The following PLXNA4 variants were observed in gnomAD, a reference collection of about 807,000 sequenced individuals.
PLXNA4 encodes plexin-A4.
A neutral mutation model predicts 191.8 loss-of-function variants in PLXNA4; 44 were observed. That is an observed-to-expected ratio of 0.23 (90% CI 0.18 to 0.29). The LOEUF is 0.29. Among genes scored for constraint, PLXNA4 ranks in the 10% least tolerant of loss-of-function variants. The pLI is 1.00. For missense variants in PLXNA4, 1,800 were observed against 2,488.8 expected, an observed-to-expected ratio of 0.72 and a Z score of 5.89; for synonymous variants, 1,082 against 1,009.5, an observed-to-expected ratio of 1.07 and a Z score of -1.36.
intron 3 of PLXNA4, among the ~76,000 whole-genome samples, chr7:132,381,307 A>T (rs1483935100): frequency 6.6e-6 from 1 of 152,226 alleles, no homozygotes; most frequent in East Asian, 1.9e-4. Flanking sequence ...GATATGAGGT[A>T]GGGAGCAGAG....
intron 2 of PLXNA4, among the ~76,000 whole-genome samples, chr7:132,642,715 TACAA>T (rs1347482103): frequency 1.3e-5 from 2 of 152,070 alleles, no homozygotes; most frequent in African/African-American, 2.4e-5. Context: ...AGCAAAAGAT[TACAA>T]ACAATCTCAA....
chr7:132,444,680 G>A (rs1795828462), intron 3 of PLXNA4, among the ~76,000 whole-genome samples: 1 of 152,156 alleles, frequency 6.6e-6, no homozygotes, highest in Non-Finnish European at 1.5e-5. Context: ...GTGTGTGTTG[G>A]TGTGGGAGGG....
intron 3 of PLXNA4, among the ~76,000 whole-genome samples, chr7:132,457,400 T>TC (rs1796352717): frequency 6.6e-6 from 1 of 152,164 alleles, no homozygotes; most frequent in Non-Finnish European, 1.5e-5. Flanking sequence ...TAAGCACATG[T>TC]CCCCCATTGC....
chr7:132,483,502 T>C lies in PLXNA4; in HGVS notation c.1371+5790A>G, dbSNP rs113469742. 2.3e-3 allele frequency among the ~76,000 whole-genome samples: 345 copies of C among 152,342 alleles called. 1 individual carries two copies. Among genetic ancestry groups the C allele is most frequent in the Non-Finnish European group, 2.9e-3 (195 of 68,034 alleles). On this transcript the variant is annotated intron_variant, in intron 3 of 31. Coordinates refer to ENST00000321063, the MANE Select transcript of PLXNA4 (RefSeq NM_020911.2). ...TTTTCATTTTAATGATATGTTTTTGTAAAGCACAATATTTTACTTCAATTG... is the reference window on the plus strand; with the variant it reads ...TTTTCATTTTAATGATATGTTTTTGCAAAGCACAATATTTTACTTCAATTG...
chr7:132,275,196 G>T (rs1179680078), intron 4 of PLXNA4, among the ~76,000 whole-genome samples: 1 of 151,812 alleles, frequency 6.6e-6, no homozygotes, highest in Non-Finnish European at 1.5e-5. Context: ...TAAAAATCTT[G>T]ATTTTGTCTT....
intron 3 of PLXNA4, among the ~76,000 whole-genome samples, chr7:132,437,122 G>T (rs77892114): frequency 0.03 from 4,596 of 152,254 alleles, 215 homozygotes; most frequent in African/African-American, 0.1. Context: ...CTTTTCCTTT[G>T]TTCCCTGAGT....
At chr7:132,178,408 T>A (rs1355230384) in intron 20 of PLXNA4, among the ~76,000 whole-genome samples, 2 of 151,866 alleles carry the variant, frequency 1.3e-5, no homozygotes, top group Non-Finnish European at 2.9e-5. Flanking sequence ...AAGGAGGGAG[T>A]TGGCTTTTTA....
chr7:132,212,032 TGATG>T (rs1797818872), intron 9 of PLXNA4, among the ~76,000 whole-genome samples: 2 of 152,194 alleles, frequency 1.3e-5, no homozygotes, highest in South Asian at 4.1e-4. Flanking sequence ...TAGCTCTTGC[TGATG>T]GATGTGGGCA....
chr7:132,598,253 T>G (rs974307180), intron 2 of PLXNA4, among the ~76,000 whole-genome samples: 2 of 152,102 alleles, frequency 1.3e-5, no homozygotes, highest in Non-Finnish European at 2.9e-5. Flanking sequence ...GGACTACAGG[T>G]GCTCACCACC....
chr7:132,160,135 T>C (rs1382780820), intron 24 of PLXNA4, among the ~76,000 whole-genome samples: 1 of 152,178 alleles, frequency 6.6e-6, no homozygotes, highest in African/African-American at 2.4e-5. Context: ...ACAGAACTAA[T>C]AGGAATCTGG....
rs183032891 is a variant in PLXNA4 at position 132,570,154 on chromosome 7, A to C, written c.-87+6268T>G. 4.4e-3 allele frequency among the ~76,000 whole-genome samples: 675 copies of C among 152,296 alleles called. 2 individuals are homozygous for C. The highest frequency in any genetic ancestry group is 0.015 in the African/African-American group (634 of 41,568). ...ACCCAGGGTTTTGCAAACTTACTTG[A>C]CTGCGGAAACTTTTTTGCATGTAAT... On this transcript the variant is annotated intron_variant, in intron 1 of 31. Transcript: ENST00000321063.
At chr7:132,313,531 C>G (rs1303670180) in intron 3 of PLXNA4, among the ~76,000 whole-genome samples, 1 of 152,092 alleles carries the variant, frequency 6.6e-6, no homozygotes, top group Non-Finnish European at 1.5e-5. Context: ...ATTGTCACAC[C>G]TGGGTGGCCA....
At chr7:132,558,052 A>G (rs962501684) in intron 1 of PLXNA4, among the ~76,000 whole-genome samples, 1 of 152,164 alleles carries the variant, frequency 6.6e-6, no homozygotes, top group African/African-American at 2.4e-5. Flanking sequence ...ATGAGATGTA[A>G]ATACTGAAAA....
intron 1 of PLXNA4, among the ~76,000 whole-genome samples, chr7:132,536,010 C>T (rs1182348710): frequency 6.6e-6 from 1 of 152,200 alleles, no homozygotes; most frequent in Non-Finnish European, 1.5e-5. Flanking sequence ...CACCTCTCTC[C>T]TGCTTCCCAC....
intron 2 of PLXNA4, among the ~76,000 whole-genome samples, chr7:132,614,356 A>G (rs1453312674): frequency 6.6e-6 from 1 of 152,250 alleles, no homozygotes; most frequent in African/African-American, 2.4e-5. Context: ...CGGTAGCCAC[A>G]TGCGGCCAGA....
At chr7:132,306,493 C>A (rs376199393) in intron 3 of PLXNA4, among the ~76,000 whole-genome samples, 9 of 152,302 alleles carry the variant, frequency 5.9e-5, no homozygotes, top group African/African-American at 2.2e-4. Context: ...TATGATCTCT[C>A]TCAGGAGGGA....
chr7:132,554,599 T>C (rs957094161), intron 1 of PLXNA4, among the ~76,000 whole-genome samples: 1 of 152,160 alleles, frequency 6.6e-6, no homozygotes, highest in Non-Finnish European at 1.5e-5. Context: ...AAAGCTAAGG[T>C]GCCTGGAAGA....
At chr7:132,483,593 C>CT (rs1387144255) in intron 3 of PLXNA4, among the ~76,000 whole-genome samples, 2 of 152,232 alleles carry the variant, frequency 1.3e-5, no homozygotes, top group African/African-American at 4.8e-5. Context: ...TGAATGCGCT[C>CT]TATGATTTGG....
intron 1 of PLXNA4, among the ~76,000 whole-genome samples, chr7:132,551,957 G>T (rs1318080799): frequency 6.6e-6 from 1 of 152,096 alleles, no homozygotes; most frequent in African/African-American, 2.4e-5. Context: ...TGTAATCAAG[G>T]TCTGACCAGG....
Sources: allele counts gnomAD v4.1 joint callset (sites outside exome capture counted in the v4.1 genomes callset), GRCh38; gene constraint gnomAD v4.1.1; transcripts MANE v1.5; gene names NCBI Gene and HGNC (gene_info 2026-07-23, HGNC 2026-07-21).